Variants in FBN2 observed in about 807,000 individuals in gnomAD.
FBN2 encodes the protein fibrillin 2.
Under a neutral mutation model 355.6 loss-of-function variants are expected in FBN2, and 105 were observed. That is an observed-to-expected ratio of 0.30 (90% confidence interval 0.25 to 0.35). The LOEUF (loss-of-function observed/expected upper bound fraction) is 0.35, where lower values mean the gene tolerates loss of function less well. Ranked by LOEUF, FBN2 falls within the 10% of genes least tolerant of loss-of-function variation. The pLI is 1.00. For missense variants in FBN2, 3,280 were observed against 3,758.7 expected, an observed-to-expected ratio of 0.87 and a Z score of 3.33; for synonymous variants, 1,350 against 1,301.2, an observed-to-expected ratio of 1.04 and a Z score of -0.81.
intron 15 of FBN2, among the ~76,000 whole-genome samples, chr5:128,370,596 G>C (rs1751907389): frequency 6.6e-6 from 1 of 152,104 alleles, no homozygotes; most frequent in Non-Finnish European, 1.5e-5. Context: ...TGACTTGAAG[G>C]CAAATTTGCA....
chr5:128,411,052 C>A (rs1201752100), intron 7 of FBN2, among the ~76,000 whole-genome samples: 1 of 152,296 alleles, frequency 6.6e-6, no homozygotes, highest in East Asian at 1.9e-4. Context: ...TTCCCTCGAG[C>A]CCCTCACAGG....
chr5:128,465,018 G>C (rs1340726479), intron 5 of FBN2, 97 bp from the exon 6 acceptor site: 4 of 1,185,270 alleles, frequency 3.4e-6, no homozygotes, highest in African/African-American at 3.0e-5. Flanking sequence ...TATTTCTTCT[G>C]ACCAAAGTGT....
intron 6 of FBN2, among the ~76,000 whole-genome samples, chr5:128,455,010 C>T (rs546604351): frequency 1.3e-5 from 2 of 152,126 alleles, no homozygotes; most frequent in Admixed American, 1.3e-4. Context: ...AATAATTATG[C>T]CAGTTTAATT....
At position 128,379,466 on chromosome 5, in the gene FBN2, A is replaced by G. The variant is rs74372418; in HGVS notation, c.1604-576T>C. Among the ~76,000 whole-genome samples, 1,223 of 152,234 alleles carry G rather than the reference A, an allele frequency of 8.0e-3. 9 individuals carry two copies. Among genetic ancestry groups the G allele is most frequent in the Non-Finnish European group, 0.013 (866 of 67,998 alleles). ...AAACATGAGGGAGTAGAAAATGAAA[A>G]CATTTAAACAAAGCCTATTTTTTTC... On this transcript the variant is annotated intron_variant, in intron 11 of 64. Transcript: ENST00000262464.
intron 48 of FBN2, among the ~76,000 whole-genome samples, chr5:128,292,686 G>C (rs1749360273): frequency 6.6e-6 from 1 of 152,138 alleles, no homozygotes; most frequent in Admixed American, 6.5e-5. Context: ...TCAATCTTCT[G>C]AGCCAGCCAT....
intron 55 of FBN2, among the ~76,000 whole-genome samples, chr5:128,282,408 G>A (rs1748985137): frequency 6.6e-6 from 1 of 152,008 alleles, no homozygotes; most frequent in Non-Finnish European, 1.5e-5. Flanking sequence ...TATCCTTAAT[G>A]TCATTCACCC....
rs367616214 is a variant in FBN2 at position 128,320,200 on chromosome 5, T to C, written c.4472-1199A>G. Among the ~76,000 whole-genome samples the C allele has an allele frequency of 1.3e-5, 2 of 152,060 alleles. 1 individual carries two copies. Among genetic ancestry groups the C allele is most frequent in the South Asian group, 4.2e-4 (2 of 4,810 alleles). On this transcript the variant is annotated intron_variant, in intron 34 of 64. Transcript: ENST00000262464. The stretch of plus-strand genomic sequence containing the variant: ...ATTTATACTCAAAAAGGGAATTGTA[T>C]TATTATCCTTCTGACTATGCATTTT...
intron 36 of FBN2, 21 bp from the exon 37 acceptor site, chr5:128,312,816 T>A (rs1331613920): frequency 6.2e-7 from 1 of 1,612,796 alleles, no homozygotes; most frequent in East Asian, 2.2e-5. Context: ...ACAAAGGAGC[T>A]TACAGTTGCC....
intron 36 of FBN2, among the ~76,000 whole-genome samples, chr5:128,314,476 C>T (rs560640726): frequency 4.6e-5 from 7 of 152,090 alleles, no homozygotes; most frequent in Admixed American, 6.6e-5. Context: ...TGCCACCACG[C>T]GCAGTTAATT....
At chr5:128,314,006 T>C (rs1750134600) in intron 36 of FBN2, among the ~76,000 whole-genome samples, 1 of 152,088 alleles carries the variant, frequency 6.6e-6, no homozygotes, top group Non-Finnish European at 1.5e-5. Flanking sequence ...TTCTAACTCT[T>C]TTCTCAACTT....
At chr5:128,444,368 G>A (rs1164736704) in intron 7 of FBN2, among the ~76,000 whole-genome samples, 21 of 152,080 alleles carry the variant, frequency 1.4e-4, no homozygotes, top group East Asian at 1.9e-4. Flanking sequence ...CACCGCGCCC[G>A]GCCCACTTGT....
At chr5:128,517,462 T>A (rs1756310777) in intron 5 of FBN2, among the ~76,000 whole-genome samples, 1 of 152,200 alleles carries the variant, frequency 6.6e-6, no homozygotes, top group Admixed American at 6.5e-5. Flanking sequence ...TCATAATTAA[T>A]TTTTCTTTCC....
chr5:128,389,221 G>A (rs1340800752), intron 11 of FBN2, among the ~76,000 whole-genome samples: 1 of 152,158 alleles, frequency 6.6e-6, no homozygotes, highest in Non-Finnish European at 1.5e-5. Context: ...AGTGGTGATG[G>A]GGTGATGAGG....
At chr5:128,490,188 T>C (rs1468517227) in intron 5 of FBN2, among the ~76,000 whole-genome samples, 1 of 152,216 alleles carries the variant, frequency 6.6e-6, no homozygotes, top group East Asian at 1.9e-4. Context: ...ATATAAAATG[T>C]AGTTTTATTG....
chr5:128,461,266 T>C (rs1259701788), intron 6 of FBN2, among the ~76,000 whole-genome samples: 2 of 152,178 alleles, frequency 1.3e-5, no homozygotes, highest in Non-Finnish European at 2.9e-5. Flanking sequence ...TCATCATCAC[T>C]GATCATCAGA....
chr5:128,470,945 C>CAAGTCAGAT (rs1205979266), intron 5 of FBN2, among the ~76,000 whole-genome samples: 3 of 151,856 alleles, frequency 2.0e-5, no homozygotes, highest in Non-Finnish European at 4.4e-5. Flanking sequence ...GCTGTAACTG[C>CAAGTCAGAT]AAGTCAGATA....
At chr5:128,362,052 A>C (rs966058009) in intron 18 of FBN2, among the ~76,000 whole-genome samples, 7 of 152,208 alleles carry the variant, frequency 4.6e-5, no homozygotes, top group African/African-American at 1.7e-4. Flanking sequence ...GCTAATTTTA[A>C]GATGCTTTTA....
chr5:128,372,770 G>A (rs890642151), intron 15 of FBN2, among the ~76,000 whole-genome samples: 1 of 152,122 alleles, frequency 6.6e-6, no homozygotes, highest in African/African-American at 2.4e-5. Flanking sequence ...GGGATTATAG[G>A]CATGCACCAC....
chr5:128,508,677 T>C (rs1756031088), intron 5 of FBN2, among the ~76,000 whole-genome samples: 2 of 152,084 alleles, frequency 1.3e-5, no homozygotes, highest in Admixed American at 1.3e-4. Flanking sequence ...TTTGATACTT[T>C]TCATTCCTTT....
Sources: gnomAD v4.1 joint callset for allele counts (sites outside exome capture counted in the v4.1 genomes callset) on GRCh38, gnomAD v4.1.1 for gene constraint, MANE v1.5 for transcripts, NCBI Gene and HGNC (gene_info 2026-07-23, HGNC 2026-07-21) for gene names.